SHROOM3: variants seen among roughly 807,000 people sequenced by gnomAD.
SHROOM3 encodes protein Shroom3.
A neutral mutation model predicts 138.6 loss-of-function variants in SHROOM3; 47 were observed. That is an observed-to-expected ratio of 0.34 (90% CI 0.27 to 0.43). SHROOM3 has a LOEUF of 0.43. Ranked by LOEUF, SHROOM3 falls within the 20% of genes least tolerant of loss-of-function variation. SHROOM3 has a pLI of 1.00. For synonymous variants in SHROOM3, 1,062 were observed against 1,063.3 expected (o/e 1.00, Z 0.02); for missense variants, 2,491 against 2,596.5 (o/e 0.96, Z 0.88).
chr4:76,473,420 C>T (rs966378674), intron 1 of SHROOM3, among the ~76,000 whole-genome samples: 2 of 151,996 alleles, frequency 1.3e-5, no homozygotes, highest in African/African-American at 4.8e-5. Flanking sequence ...CCAGCCTGGG[C>T]AACATAGTGA....
intron 2 of SHROOM3, among the ~76,000 whole-genome samples, chr4:76,633,201 T>C (rs149224626): frequency 9.2e-5 from 14 of 151,574 alleles, no homozygotes; most frequent in African/African-American, 2.7e-4. Flanking sequence ...TGAGTCTCTA[T>C]GTGGTGGCAC....
chr4:76,638,959 G>A (rs1325018553), intron 2 of SHROOM3: 1 of 152,114 alleles, frequency 6.6e-6, no homozygotes, highest in Admixed American at 6.6e-5. Context: ...GGAAGGGAGG[G>A]GCATTCAGTC....
intron 1 of SHROOM3, among the ~76,000 whole-genome samples, chr4:76,447,598 A>C (rs930698412): frequency 6.6e-6 from 1 of 152,184 alleles, no homozygotes; most frequent in Non-Finnish European, 1.5e-5. Context: ...GAAGGCAGAA[A>C]ATAGACTCTT....
chr4:76,594,160 A>C (rs1268838517), intron 2 of SHROOM3, among the ~76,000 whole-genome samples: 1 of 152,242 alleles, frequency 6.6e-6, no homozygotes, highest in East Asian at 1.9e-4. Context: ...AACCCAGGTC[A>C]TCTGTCAACA....
chr4:76,478,307 A>G (rs560654657), intron 1 of SHROOM3, among the ~76,000 whole-genome samples: 1 of 152,286 alleles, frequency 6.6e-6, no homozygotes, highest in Admixed American at 6.5e-5. Flanking sequence ...GGCATCCGCC[A>G]TTACCAAGGC....
chr4:76,611,431 C>A (rs1734760067), intron 2 of SHROOM3, among the ~76,000 whole-genome samples: 1 of 151,844 alleles, frequency 6.6e-6, no homozygotes, highest in African/African-American at 2.4e-5. Flanking sequence ...AGAGCCATGG[C>A]AGGGGTGAAG....
At chr4:76,616,310 C>T (rs972837967) in intron 2 of SHROOM3, among the ~76,000 whole-genome samples, 14 of 152,150 alleles carry the variant, frequency 9.2e-5, no homozygotes, top group African/African-American at 3.4e-4. Flanking sequence ...GTTTTTAAAA[C>T]AATCATCTGG....
In SHROOM3 at chr4:76,633,586, G is replaced by A. The variant is rs1577936650; in HGVS notation, c.324-76570G>A. The stretch of plus-strand genomic sequence containing the variant: ...GCAGCAGAATGGCGTGAACCCGGGA[G>A]GCGGAGCTTGCAGTGAGCCGAGATT... On this transcript the variant is annotated intron_variant, in intron 2 of 10. Transcript: ENST00000296043. Among the ~76,000 whole-genome samples, 4 of 148,574 alleles carry A rather than the reference G, an allele frequency of 2.7e-5. 1 individual carries two copies. The South Asian group carries it at 8.6e-4, about 32-fold the overall frequency.
At chr4:76,441,164 G>A (rs1050947532) in intron 1 of SHROOM3, among the ~76,000 whole-genome samples, 1 of 141,090 alleles carries the variant, frequency 7.1e-6, no homozygotes, top group South Asian at 2.3e-4. Flanking sequence ...GCGCGATCTC[G>A]GCTCACTGCA....
intron 2 of SHROOM3, among the ~76,000 whole-genome samples, chr4:76,620,513 A>C (rs11097449): frequency 0.2 from 30,644 of 152,102 alleles, 3,926 homozygotes; most frequent in African/African-American, 0.35. Context: ...TAATAAGAAC[A>C]CATTGTTTCA....
At chr4:76,670,153 G>A (rs1454033158) in intron 2 of SHROOM3, among the ~76,000 whole-genome samples, 2 of 152,152 alleles carry the variant, frequency 1.3e-5, no homozygotes, top group African/African-American at 4.8e-5. Flanking sequence ...GTTCAAAGCA[G>A]AATTATTCAT....
At chr4:76,729,616 A>C (rs947766906) in intron 3 of SHROOM3, among the ~76,000 whole-genome samples, 6 of 152,218 alleles carry the variant, frequency 3.9e-5, no homozygotes, top group African/African-American at 1.2e-4. Flanking sequence ...CCAGCCTCTG[A>C]TTAATCTTCT....
rs1732076677 is a variant in SHROOM3, at chr4:76,500,821, T to G, written c.169-54788T>G. 2.0e-5 allele frequency among the ~76,000 whole-genome samples: 3 copies of G among 152,176 alleles called. No homozygotes were observed. In the South Asian group the frequency reaches 6.2e-4, roughly 32 times the overall value. On this transcript the variant is annotated intron_variant, in intron 1 of 10. Coordinates refer to ENST00000296043, the MANE Select transcript of SHROOM3 (RefSeq NM_020859.4). ...TCTTCTCCCTCTCTCTCTTTTTTTG[T>G]TTTTGAGACAAGTGTCTCTCTATTG...
At chr4:76,688,323 G>T in intron 2 of SHROOM3, 1 of 931,200 alleles carries the variant, frequency 1.1e-6, no homozygotes, top group Non-Finnish European at 1.3e-6. Flanking sequence ...TGCCATGGCT[G>T]CTAATGCTCC....
chr4:76,608,083 G>A (rs1318902286), intron 2 of SHROOM3, among the ~76,000 whole-genome samples: 1 of 152,156 alleles, frequency 6.6e-6, no homozygotes, highest in African/African-American at 2.4e-5. Flanking sequence ...CATAGGCTGA[G>A]GGATGCCTTC....
intron 2 of SHROOM3, among the ~76,000 whole-genome samples, chr4:76,579,422 C>T (rs868855292): frequency 1.3e-4 from 19 of 148,424 alleles, no homozygotes; most frequent in Middle Eastern, 7.9e-3. Flanking sequence ...GAGCCGAGAT[C>T]GTGCCACTGC....
intron 2 of SHROOM3, among the ~76,000 whole-genome samples, chr4:76,622,611 G>A (rs1735032540): frequency 6.6e-6 from 1 of 151,550 alleles, no homozygotes; most frequent in African/African-American, 2.4e-5. Context: ...TATATTTTTG[G>A]CTCAAGAAGG....
intron 2 of SHROOM3, chr4:76,689,434 A>C: frequency 1.3e-6 from 1 of 768,132 alleles, no homozygotes; most frequent in Non-Finnish European, 1.6e-6. Flanking sequence ...CCCGGGCGGG[A>C]CGAGAGGTGG....
In SHROOM3 at chr4:76,741,705, C is replaced by A; in HGVS notation, c.3532C>A (p.Arg1178Ser). Residue 1178 changes from arginine (R) to serine (S), a missense_variant, in exon 5 of 11, where the codon CGC becomes AGC. Around this residue, in one of 4 missense-constraint regions of SHROOM3, gnomAD observed 1,733 missense variants for 1,661.6 expected, o/e 1.04. Coordinates refer to ENST00000296043, the MANE Select transcript of SHROOM3 (RefSeq NM_020859.4). This position sits in a 1 kb window ranked among gnomAD's most constrained non-coding sequence, Gnocchi z 6.2. The stretch of plus-strand genomic sequence containing the variant: ...TCGCAGCAGCTCCTTCGCCGGTGGC[C>A]GCCGCCTCGGGGAACGGCGACGCGG... ...RDRSSSFAGGRRLGERRRGDL... is the reference protein window; with the variant it reads ...RDRSSSFAGGSRLGERRRGDL... The A allele has an allele frequency of 6.4e-7, 1 of 1,552,818 alleles. No homozygotes were observed. The highest frequency in any genetic ancestry group is 2.4e-5 in the East Asian group (1 of 41,388).
Sources: gnomAD v4.1 joint callset for allele counts (sites outside exome capture counted in the v4.1 genomes callset) on GRCh38, gnomAD v4.1.1 for gene constraint, gnomAD v4.1.1 regional missense constraint, Gnocchi (gnomAD v3.1) non-coding constraint, MANE v1.5 for transcripts, NCBI Gene and HGNC (gene_info 2026-07-23, HGNC 2026-07-21) for gene names.